Variants in GSG1L observed in about 807,000 individuals in gnomAD.
GSG1L encodes germ cell-specific gene 1-like protein.
A neutral mutation model predicts 42.1 loss-of-function variants in GSG1L; 24 were observed. The observed-to-expected ratio is 0.57, with a 90% CI of 0.41 to 0.80. GSG1L has a LOEUF of 0.80. Among genes scored for constraint, GSG1L ranks in the 30% least tolerant of loss-of-function variants. The probability of loss-of-function intolerance (pLI) is 0.00; values close to 1 mark genes in which losing one functional copy is unlikely to be tolerated. For synonymous variants in GSG1L, 215 were observed against 203.5 expected (o/e 1.06, Z -0.48); for missense variants, 445 against 472.2 (o/e 0.94, Z 0.53).
chr16:27,888,247 A>C, intron 2 of GSG1L: 13 of 328,442 alleles, frequency 4.0e-5, no homozygotes, highest in Non-Finnish European at 5.7e-5. Context: ...CCCTCTCCTC[A>C]CAGCAGGGCC....
chr16:27,964,174 A>G (rs770822502), intron 1 of GSG1L, among the ~76,000 whole-genome samples: 2 of 152,162 alleles, frequency 1.3e-5, no homozygotes, highest in Non-Finnish European at 2.9e-5. Flanking sequence ...TACTAAAAAT[A>G]CAAAAACTAG....
chr16:27,919,941 G>A (rs1317388140), intron 2 of GSG1L, among the ~76,000 whole-genome samples: 1 of 152,246 alleles, frequency 6.6e-6, no homozygotes, highest in Non-Finnish European at 1.5e-5. Context: ...CCCTCTTGAT[G>A]AGGATCTATC....
At chr16:27,966,752 A>G (rs1204145896) in intron 1 of GSG1L, among the ~76,000 whole-genome samples, 1 of 152,152 alleles carries the variant, frequency 6.6e-6, no homozygotes, top group Admixed American at 6.5e-5. Context: ...CGCTGGACCT[A>G]TGCTCACAAA....
At chr16:27,898,066 CCTCCAGGCCTTGTCAGTTCAGAGACGT>C (rs1157637806) in intron 2 of GSG1L, among the ~76,000 whole-genome samples, 12 of 152,228 alleles carry the variant, frequency 7.9e-5, no homozygotes, top group African/African-American at 2.2e-4. Flanking sequence ...GTTCCACAAG[CCTCCAGGCCTTGTCAGTTCAGAGACGT>C]CTCTGGCAGA....
At chr16:27,816,602 C>T (rs1387203399) in intron 5 of GSG1L, among the ~76,000 whole-genome samples, 1 of 152,232 alleles carries the variant, frequency 6.6e-6, no homozygotes, top group East Asian at 1.9e-4. Context: ...CAATACAAAA[C>T]AGAGCCCTGT....
intron 2 of GSG1L, among the ~76,000 whole-genome samples, chr16:27,892,402 G>A (rs2084140283): frequency 6.6e-6 from 1 of 152,046 alleles, no homozygotes; most frequent in Non-Finnish European, 1.5e-5. Flanking sequence ...GCTGCAATTA[G>A]CTACGATCCT....
intron 5 of GSG1L, among the ~76,000 whole-genome samples, chr16:27,819,568 G>A (rs1022811835): frequency 6.6e-6 from 1 of 152,230 alleles, no homozygotes; most frequent in African/African-American, 2.4e-5. Flanking sequence ...GGAGGAGACG[G>A]TGGGGAAGGT....
intron 2 of GSG1L, among the ~76,000 whole-genome samples, chr16:27,896,076 A>G (rs771908577): frequency 1.3e-4 from 20 of 152,166 alleles, no homozygotes; most frequent in Non-Finnish European, 4.4e-5. Context: ...CTGCATTGTC[A>G]TCAGGTCCCT....
intron 1 of GSG1L, among the ~76,000 whole-genome samples, chr16:28,024,392 G>A (rs544884125): frequency 4.7e-4 from 71 of 152,338 alleles, no homozygotes; most frequent in African/African-American, 1.6e-3. Flanking sequence ...GACATGATGC[G>A]TTTAGAGCAG....
At chr16:27,885,656 T>A (rs2084018481) in intron 2 of GSG1L, among the ~76,000 whole-genome samples, 1 of 152,240 alleles carries the variant, frequency 6.6e-6, no homozygotes, top group South Asian at 2.1e-4. Context: ...CCAGTATGAT[T>A]ATCTGACTTA....
intron 2 of GSG1L, among the ~76,000 whole-genome samples, chr16:27,955,825 C>T (rs535906516): frequency 1.4e-5 from 2 of 148,016 alleles, no homozygotes; most frequent in South Asian, 4.3e-4. Context: ...AGAATAACAG[C>T]CCTAGATAAT....
intron 6 of GSG1L, among the ~76,000 whole-genome samples, chr16:27,793,996 T>C (rs775690965): frequency 6.6e-6 from 1 of 150,410 alleles, no homozygotes; most frequent in Non-Finnish European, 1.5e-5. Context: ...GCTCAGATCT[T>C]CCTAAACTGT....
chr16:27,917,813 C>T (rs973551170), intron 2 of GSG1L, among the ~76,000 whole-genome samples: 4 of 152,138 alleles, frequency 2.6e-5, no homozygotes, highest in Admixed American at 6.5e-5. Context: ...GATCTGGCTT[C>T]GGGCACAGCT....
chr16:27,995,813 C>T (rs1473310512), intron 1 of GSG1L, among the ~76,000 whole-genome samples: 16 of 151,734 alleles, frequency 1.1e-4, no homozygotes, highest in Admixed American at 1.1e-3. Context: ...CACCTGGCTC[C>T]AGTAGGCTCT....
chr16:27,863,197 A>C (rs2083675450), intron 3 of GSG1L: 1 of 152,046 alleles, frequency 6.6e-6, no homozygotes, highest in East Asian at 1.9e-4. Flanking sequence ...CTTTTTACCC[A>C]CCTATAATTT....
intron 2 of GSG1L, among the ~76,000 whole-genome samples, chr16:27,886,375 G>T (rs935685675): frequency 6.6e-6 from 1 of 152,194 alleles, no homozygotes; most frequent in African/African-American, 2.4e-5. Flanking sequence ...AGGAGGCAGA[G>T]GTTGCAGTGA....
At chr16:27,942,530 A>G (rs1567528065) in intron 2 of GSG1L, among the ~76,000 whole-genome samples, 2 of 152,234 alleles carry the variant, frequency 1.3e-5, no homozygotes, top group Non-Finnish European at 2.9e-5. Context: ...TATACAAGCA[A>G]CAAAGATTAT....
At chr16:28,049,588 G>C (rs897529717) in intron 1 of GSG1L, among the ~76,000 whole-genome samples, 2 of 151,844 alleles carry the variant, frequency 1.3e-5, no homozygotes, top group Non-Finnish European at 2.9e-5. Context: ...TCGGAAGGCT[G>C]AGATGGGAGG....
intron 3 of GSG1L, among the ~76,000 whole-genome samples, chr16:27,861,693 C>T (rs1292023502): frequency 6.6e-6 from 1 of 152,170 alleles, no homozygotes; most frequent in African/African-American, 2.4e-5. Context: ...CCTCTCTGGC[C>T]TCCTTCTTGT....
Sources: allele counts gnomAD v4.1 joint callset (sites outside exome capture counted in the v4.1 genomes callset), GRCh38; gene constraint gnomAD v4.1.1; transcripts MANE v1.5; gene names NCBI Gene and HGNC (gene_info 2026-07-23, HGNC 2026-07-21).